Variants in GTF2F2 observed in about 807,000 individuals in gnomAD.
GTF2F2 encodes the protein ATP-dependent helicase GTF2F2.
In GTF2F2, 23 loss-of-function variants were observed where a neutral mutation model predicts 42.2. The observed-to-expected ratio is 0.55, with a 90% confidence interval of 0.39 to 0.77. GTF2F2 has a LOEUF of 0.77. Ranked by LOEUF, GTF2F2 falls within the 30% of genes least tolerant of loss-of-function variation. The pLI, the probability that GTF2F2 is intolerant of heterozygous loss-of-function variation, is 0.00. For synonymous variants in GTF2F2, 105 were observed against 100.8 expected, an observed-to-expected ratio of 1.04 and a Z score of -0.25; for missense variants, 261 against 287.2, an observed-to-expected ratio of 0.91 and a Z score of 0.66.
intron 7 of GTF2F2, among the ~76,000 whole-genome samples, chr13:45,274,404 G>A (rs1876935336): frequency 7.3e-6 from 1 of 137,584 alleles, no homozygotes; most frequent in African/African-American, 2.9e-5. Flanking sequence ...TTGGCTCACT[G>A]CAACGTCCGC....
chr13:45,121,874 C>T (rs1192454011), intron 1 of GTF2F2, among the ~76,000 whole-genome samples: 1 of 152,114 alleles, frequency 6.6e-6, no homozygotes, highest in Non-Finnish European at 1.5e-5. Context: ...ATTTCTCTCT[C>T]CAGCAGCATG....
intron 1 of GTF2F2, among the ~76,000 whole-genome samples, chr13:45,129,401 G>T (rs1461886920): frequency 6.6e-6 from 1 of 151,938 alleles, no homozygotes; most frequent in Non-Finnish European, 1.5e-5. Flanking sequence ...GTAGAGTTGG[G>T]GTTTTGCAAT....
At chr13:45,189,920 G>A (rs1872558833) in intron 4 of GTF2F2, among the ~76,000 whole-genome samples, 2 of 152,072 alleles carry the variant, frequency 1.3e-5, no homozygotes, top group Admixed American at 1.3e-4. Flanking sequence ...AATACCATAG[G>A]CAGTACCATT....
rs1349933864 is a variant in GTF2F2, at chr13:45,266,510, CCCA to C, written c.487-721_487-719del. Among the ~76,000 whole-genome samples the C allele has an allele frequency of 2.6e-5, 4 of 152,196 alleles. No individual in the cohort carries two copies. In the East Asian group the frequency reaches 7.7e-4, roughly 29 times the overall value. Reference sequence around the variant, plus strand: ...TTATAATCTGCCTGCCTCCAAGAACCCCACATTTGAAAGATGTTACCTATGAAA... The same window carrying C: ...TTATAATCTGCCTGCCTCCAAGAACCCATTTGAAAGATGTTACCTATGAAA... On this transcript the variant is annotated intron_variant, in intron 6 of 7. Coordinates refer to ENST00000340473, the MANE Select transcript of GTF2F2 (RefSeq NM_004128.3).
chr13:45,192,518 C>T (rs1311186571), intron 4 of GTF2F2, among the ~76,000 whole-genome samples: 2 of 151,928 alleles, frequency 1.3e-5, no homozygotes, highest in African/African-American at 4.8e-5. Context: ...GATTTAGTTA[C>T]CAGATTTAAT....
chr13:45,193,898 TAA>T, intron 4 of GTF2F2: 3 of 1,614,112 alleles, frequency 1.9e-6, no homozygotes, highest in Non-Finnish European at 2.5e-6. Flanking sequence ...GCCTCAAACT[TAA>T]GAGTTTCCAA....
Position 45,175,932 on chromosome 13 carries a change from A to G in GTF2F2, c.304+24101A>G, listed in dbSNP as rs113080187. Among the ~76,000 whole-genome samples the G allele has an allele frequency of 2.2e-3, 338 of 152,256 alleles. 3 individuals carry two copies. Among genetic ancestry groups the G allele is most frequent in the Middle Eastern group, 0.01 (3 of 294 alleles). ...GCCACTGCACCTGGCCCATTTGCCA[A>G]ATTCTATCGGGTAACATTTTGTTTT... On this transcript the variant is annotated intron_variant, in intron 4 of 7. Coordinates refer to ENST00000340473, the MANE Select transcript of GTF2F2 (RefSeq NM_004128.3).
chr13:45,121,635 A>G (rs964427319), intron 1 of GTF2F2, among the ~76,000 whole-genome samples: 3 of 152,180 alleles, frequency 2.0e-5, no homozygotes, highest in Non-Finnish European at 4.4e-5. Context: ...TTGTGTTCAT[A>G]TGTTCAAAGT....
At chr13:45,140,541 T>G (rs914486361) in intron 2 of GTF2F2, among the ~76,000 whole-genome samples, 1 of 152,198 alleles carries the variant, frequency 6.6e-6, no homozygotes, top group Non-Finnish European at 1.5e-5. Context: ...ATGAATCCAT[T>G]AAGATAATAT....
intron 4 of GTF2F2, among the ~76,000 whole-genome samples, chr13:45,202,658 T>C (rs1177807084): frequency 6.6e-6 from 1 of 152,036 alleles, no homozygotes; most frequent in African/African-American, 2.4e-5. Context: ...AACTTATAAA[T>C]GTACGTTTAG....
chr13:45,193,378 G>A (rs1872730478), intron 4 of GTF2F2: 1 of 156,644 alleles, frequency 6.4e-6, no homozygotes, highest in South Asian at 2.0e-4. Context: ...TTTTGCCATA[G>A]TAGAAAAGGA....
At chr13:45,191,417 T>C (rs886494930) in intron 4 of GTF2F2, among the ~76,000 whole-genome samples, 1 of 151,286 alleles carries the variant, frequency 6.6e-6, no homozygotes, top group Non-Finnish European at 1.5e-5. Context: ...TTTGGAACAG[T>C]ATTTACTTAT....
At chr13:45,134,586 G>A (rs1314919491) in intron 1 of GTF2F2, among the ~76,000 whole-genome samples, 1 of 152,186 alleles carries the variant, frequency 6.6e-6, no homozygotes, top group African/African-American at 2.4e-5. Flanking sequence ...CGAATGGGTA[G>A]GTACAGTCAT....
At chr13:45,235,699 C>A (rs1566145502) in intron 5 of GTF2F2, among the ~76,000 whole-genome samples, 1 of 152,028 alleles carries the variant, frequency 6.6e-6, no homozygotes, top group East Asian at 1.9e-4. Context: ...AAGTGATTCT[C>A]CTGCCTCAGC....
chr13:45,271,448 A>G (rs1406244933), intron 7 of GTF2F2, among the ~76,000 whole-genome samples: 5 of 151,226 alleles, frequency 3.3e-5, no homozygotes, highest in East Asian at 2.0e-4. Context: ...CAGTGGTGCA[A>G]TCTCGGATCA....
At chr13:45,157,501 G>T (rs1237033164) in intron 4 of GTF2F2, among the ~76,000 whole-genome samples, 1 of 151,744 alleles carries the variant, frequency 6.6e-6, no homozygotes, top group Non-Finnish European at 1.5e-5. Flanking sequence ...GGAACCGGGA[G>T]GCTCTTATAG....
intron 2 of GTF2F2, among the ~76,000 whole-genome samples, chr13:45,143,755 G>C (rs1385858617): frequency 6.6e-6 from 1 of 152,168 alleles, no homozygotes; most frequent in Admixed American, 6.5e-5. Flanking sequence ...CTGGAATGCA[G>C]CTCTTCCTGA....
intron 4 of GTF2F2, among the ~76,000 whole-genome samples, chr13:45,194,991 G>A (rs2138174499): frequency 6.6e-6 from 1 of 152,212 alleles, no homozygotes; most frequent in South Asian, 2.1e-4. Flanking sequence ...GAATAATATT[G>A]TCATCTTTTG....
At chr13:45,244,098 T>A (rs1337261945) in intron 5 of GTF2F2, among the ~76,000 whole-genome samples, 2 of 152,240 alleles carry the variant, frequency 1.3e-5, no homozygotes, top group Non-Finnish European at 1.5e-5. Context: ...AATGACTTAG[T>A]GACACTGAGT....
Sources: allele counts gnomAD v4.1 joint callset (sites outside exome capture counted in the v4.1 genomes callset), GRCh38; gene constraint gnomAD v4.1.1; transcripts MANE v1.5; gene names NCBI Gene and HGNC (gene_info 2026-07-23, HGNC 2026-07-21).